TMEM132D: variants seen among roughly 807,000 people sequenced by gnomAD.
TMEM132D encodes transmembrane protein 132D, also known as mature OL transmembrane protein.
TMEM132D carries 21 observed loss-of-function variants against 62.3 expected under a neutral mutation model. That is an observed-to-expected ratio of 0.34 (90% CI 0.24 to 0.49). The LOEUF is 0.49. Among genes scored for constraint, TMEM132D ranks in the 20% least tolerant of loss-of-function variants. The pLI, the probability that TMEM132D is intolerant of heterozygous loss-of-function variation, is 0.99. For synonymous variants in TMEM132D, 621 were observed against 575.6 expected (o/e 1.08, Z -1.13); for missense variants, 1,346 against 1,402.8 (o/e 0.96, Z 0.65).
intron 4 of TMEM132D, among the ~76,000 whole-genome samples, chr12:129,232,308 T>C (rs961606595): frequency 6.6e-6 from 1 of 152,174 alleles, no homozygotes; most frequent in African/African-American, 2.4e-5. Context: ...GTTCAAGACA[T>C]GTGACTGGAC....
At chr12:129,389,850 T>C (rs1871247420) in intron 3 of TMEM132D, among the ~76,000 whole-genome samples, 1 of 152,178 alleles carries the variant, frequency 6.6e-6, no homozygotes, top group Non-Finnish European at 1.5e-5. Flanking sequence ...TAGGTTTTTG[T>C]CCAAGGCCAA....
chr12:129,236,114 G>A (rs979040180), intron 4 of TMEM132D, among the ~76,000 whole-genome samples: 11 of 130,380 alleles, frequency 8.4e-5, no homozygotes, highest in African/African-American at 2.9e-4. Context: ...TTGTGTGTGT[G>A]TGTGTGTGTG....
chr12:129,695,398 C>T (rs1881181693), intron 2 of TMEM132D, among the ~76,000 whole-genome samples: 1 of 152,292 alleles, frequency 6.6e-6, no homozygotes, highest in Non-Finnish European at 1.5e-5. Flanking sequence ...AATAAGTTCA[C>T]AAGTTTTTTG....
At chr12:129,591,625 C>A (rs1338388864) in intron 2 of TMEM132D, among the ~76,000 whole-genome samples, 1 of 151,062 alleles carries the variant, frequency 6.6e-6, no homozygotes, top group African/African-American at 2.4e-5. Flanking sequence ...GTGTTTATTC[C>A]AAGCCAGTCA....
At chr12:129,728,188 T>C (rs1247052159) in intron 1 of TMEM132D, among the ~76,000 whole-genome samples, 3 of 152,188 alleles carry the variant, frequency 2.0e-5, no homozygotes, top group African/African-American at 7.2e-5. Context: ...ATATAGACAC[T>C]GAATATAAAG....
chr12:129,590,977 C>T (rs564425694), intron 2 of TMEM132D, among the ~76,000 whole-genome samples: 10 of 152,132 alleles, frequency 6.6e-5, no homozygotes, highest in African/African-American at 2.2e-4. Flanking sequence ...ACAGTGGTCA[C>T]GCTGACCATG....
At chr12:129,731,402 G>C (rs183348121) in intron 1 of TMEM132D, among the ~76,000 whole-genome samples, 1,910 of 151,972 alleles carry the variant, frequency 0.013, 21 homozygotes, top group Non-Finnish European at 0.019. Flanking sequence ...GAGGGTATGG[G>C]GGACAGGGGG....
intron 2 of TMEM132D, among the ~76,000 whole-genome samples, chr12:129,575,484 G>A (rs1354013233): frequency 6.6e-6 from 1 of 151,814 alleles, no homozygotes; most frequent in Non-Finnish European, 1.5e-5. Flanking sequence ...AGTGATTACC[G>A]GGGCCGGTTG....
intron 3 of TMEM132D, among the ~76,000 whole-genome samples, chr12:129,502,776 G>A (rs201460520): frequency 5.0e-4 from 76 of 152,200 alleles, no homozygotes; most frequent in African/African-American, 1.3e-3. Context: ...TCACTCACTC[G>A]TCTACAGACC....
chr12:129,627,571 C>G (rs1309995995), intron 2 of TMEM132D, among the ~76,000 whole-genome samples: 1 of 151,754 alleles, frequency 6.6e-6, no homozygotes, highest in South Asian at 2.1e-4. Context: ...AACCAGAAAC[C>G]TTTTTTTTAG....
intron 2 of TMEM132D, among the ~76,000 whole-genome samples, chr12:129,658,858 G>A (rs781469188): frequency 9.2e-5 from 14 of 152,082 alleles, no homozygotes; most frequent in Non-Finnish European, 2.1e-4. Context: ...AGAGAGAGAG[G>A]CCAAAGAGCA....
At chr12:129,546,889 A>T (rs181616775) in intron 2 of TMEM132D, among the ~76,000 whole-genome samples, 4 of 152,310 alleles carry the variant, frequency 2.6e-5, no homozygotes, top group Non-Finnish European at 4.4e-5. Context: ...ACATCTTTGC[A>T]AGCAGCTTAG....
intron 1 of TMEM132D, among the ~76,000 whole-genome samples, chr12:129,901,832 G>A (rs930908344): frequency 1.3e-5 from 2 of 151,628 alleles, no homozygotes; most frequent in African/African-American, 4.9e-5. Context: ...AAAGAAGTCT[G>A]GACCTATTAT....
chr12:129,124,924 G>T (rs1044982798), intron 5 of TMEM132D, among the ~76,000 whole-genome samples: 2 of 152,112 alleles, frequency 1.3e-5, no homozygotes, highest in African/African-American at 2.4e-5. Context: ...AGGAATTCTG[G>T]TGCAAGCTAT....
At chr12:129,897,367 A>G (rs1875177295) in intron 1 of TMEM132D, among the ~76,000 whole-genome samples, 2 of 152,138 alleles carry the variant, frequency 1.3e-5, no homozygotes, top group South Asian at 2.1e-4. Flanking sequence ...CTCATTCTTT[A>G]TAATTTCCCA....
chr12:129,689,170 TG>T (rs1383146291), intron 2 of TMEM132D, among the ~76,000 whole-genome samples: 1 of 151,550 alleles, frequency 6.6e-6, no homozygotes, highest in East Asian at 1.9e-4. Flanking sequence ...AACTTAGCCT[TG>T]GGGGTTGCCT....
intron 1 of TMEM132D, among the ~76,000 whole-genome samples, chr12:129,875,295 C>T (rs927500868): frequency 6.6e-6 from 1 of 152,194 alleles, no homozygotes; most frequent in Non-Finnish European, 1.5e-5. Flanking sequence ...CGCTGATGTC[C>T]GATGGCCTCA....
chr12:129,268,920 C>CA (rs1419512590), intron 4 of TMEM132D, among the ~76,000 whole-genome samples: 16 of 146,894 alleles, frequency 1.1e-4, no homozygotes, highest in East Asian at 2.0e-4. Flanking sequence ...ATCGCAAGGA[C>CA]AAAAAACCAA....
chr12:129,180,091 G>A (rs1266349142), intron 5 of TMEM132D, among the ~76,000 whole-genome samples: 5 of 151,854 alleles, frequency 3.3e-5, no homozygotes, highest in Non-Finnish European at 7.4e-5. Context: ...ATAAATGGCA[G>A]AATCTGGCCT....
Sources: gnomAD v4.1 joint callset for allele counts (sites outside exome capture counted in the v4.1 genomes callset) on GRCh38, gnomAD v4.1.1 for gene constraint, MANE v1.5 for transcripts, NCBI Gene and HGNC (gene_info 2026-07-23, HGNC 2026-07-21) for gene names.